The following SLC38A6 variants were observed in gnomAD, a reference collection of about 807,000 sequenced individuals.
SLC38A6 encodes solute carrier family 38 member 6.
A neutral mutation model predicts 65.0 loss-of-function variants in SLC38A6; 73 were observed. The ratio of observed to expected loss-of-function variants is 1.12; its 90% CI spans 0.93 to 1.37. The LOEUF is 1.37. Among genes scored for constraint, SLC38A6 ranks in the 40% most tolerant of loss-of-function variants. The pLI is 0.00. For synonymous variants in SLC38A6, 183 were observed against 178.8 expected (o/e 1.02, Z -0.19); for missense variants, 561 against 531.1 (o/e 1.06, Z -0.55).
intron 3 of SLC38A6, among the ~76,000 whole-genome samples, chr14:61,007,898 A>C (rs1206059892): frequency 6.6e-6 from 1 of 152,164 alleles, no homozygotes; most frequent in Non-Finnish European, 1.5e-5. Flanking sequence ...AAGAATATTA[A>C]AGATTTGTTG....
At chr14:61,019,266 A>G (rs2139573751) in intron 4 of SLC38A6, among the ~76,000 whole-genome samples, 1 of 152,318 alleles carries the variant, frequency 6.6e-6, no homozygotes, top group South Asian at 2.1e-4. Context: ...ATAATCATCG[A>G]TTACTAGCTT....
Position 61,046,151 on chromosome 14 carries a change from G to A in SLC38A6, c.909G>A (p.Gly303=), listed in dbSNP as rs1176166190. The A allele has an allele frequency of 1.3e-6, 2 of 1,598,610 alleles. No homozygotes were observed. Among genetic ancestry groups the A allele is most frequent in the Non-Finnish European group, 1.7e-6 (2 of 1,167,696 alleles). Residue 303 remains glycine (G), a synonymous_variant, in exon 12 of 16, where the codon GGG becomes GGA. Coordinates refer to ENST00000267488, the MANE Select transcript of SLC38A6 (RefSeq NM_153811.3). ...FLIYFISALF[G]YLTFYDKVES... ...TTTATTTTATATCTGCACTCTTTGG[G>A]TACCTCACTTTTTATGGTAAGTACA...
chr14:60,995,080 T>C (rs1490719311), intron 3 of SLC38A6, among the ~76,000 whole-genome samples: 2 of 151,140 alleles, frequency 1.3e-5, no homozygotes, highest in Non-Finnish European at 2.9e-5. Context: ...CTTAAATGTA[T>C]ACTGTCAAGT....
chr14:61,014,155 C>G (rs1012978891), intron 3 of SLC38A6, among the ~76,000 whole-genome samples: 1 of 152,162 alleles, frequency 6.6e-6, no homozygotes, highest in Non-Finnish European at 1.5e-5. Context: ...CACTGATAGC[C>G]TTTCTTCCAG....
chr14:61,037,578 A>G, intron 7 of SLC38A6, 47 bp from the exon 8 acceptor site: 1 of 1,369,320 alleles, frequency 7.3e-7, no homozygotes. Context: ...TGTACGTTAA[A>G]ATCGCTTTCC....
intron 5 of SLC38A6, among the ~76,000 whole-genome samples, chr14:61,023,259 T>C (rs985330892): frequency 2.0e-5 from 3 of 152,162 alleles, no homozygotes; most frequent in Non-Finnish European, 4.4e-5. Flanking sequence ...ATCTCATTTA[T>C]GTAAAATGGG....
chr14:61,014,477 C>T (rs1184751091), intron 3 of SLC38A6, among the ~76,000 whole-genome samples: 1 of 152,130 alleles, frequency 6.6e-6, no homozygotes, highest in African/African-American at 2.4e-5. Flanking sequence ...TTAGAGTTTC[C>T]AGTTTTTCTG....
intron 15 of SLC38A6, among the ~76,000 whole-genome samples, chr14:61,077,128 T>C (rs180760664): frequency 1.4e-4 from 22 of 152,328 alleles, no homozygotes; most frequent in Middle Eastern, 6.8e-3. Flanking sequence ...CTTGCCACTT[T>C]CAATATAAAA....
At chr14:61,064,611 G>A (rs572201678) in intron 15 of SLC38A6, among the ~76,000 whole-genome samples, 2 of 148,684 alleles carry the variant, frequency 1.3e-5, no homozygotes, top group Non-Finnish European at 3.0e-5. Flanking sequence ...TGTGCATTTA[G>A]ATGAGGTTAA....
chr14:61,004,090 A>T (rs777810988), intron 3 of SLC38A6, among the ~76,000 whole-genome samples: 1 of 152,186 alleles, frequency 6.6e-6, no homozygotes, highest in Non-Finnish European at 1.5e-5. Flanking sequence ...TAGTTTGATT[A>T]CATTTTCTCA....
chr14:61,009,708 C>A (rs571949797), intron 3 of SLC38A6, among the ~76,000 whole-genome samples: 44 of 152,228 alleles, frequency 2.9e-4, no homozygotes, highest in Admixed American at 1.0e-3. Flanking sequence ...AAAGGACATG[C>A]ACTCATCATT....
At chr14:61,045,930 GA>G (rs1566702554) in intron 11 of SLC38A6, 136 bp from the exon 12 acceptor site, 1 of 535,226 alleles carries the variant, frequency 1.9e-6, no homozygotes, top group African/African-American at 2.0e-5. Context: ...TACTAATTTC[GA>G]ATGAGGACTT....
At chr14:61,080,210 T>C (rs141942073) in intron 16 of SLC38A6, among the ~76,000 whole-genome samples, 317 of 152,292 alleles carry the variant, frequency 2.1e-3, no homozygotes, top group African/African-American at 7.2e-3. Context: ...TACTTTCTCA[T>C]ACCTATGACT....
At chr14:61,011,040 G>A (rs2039523525) in intron 3 of SLC38A6, among the ~76,000 whole-genome samples, 1 of 152,132 alleles carries the variant, frequency 6.6e-6, no homozygotes. Flanking sequence ...CCATTTGTTT[G>A]TATCTTCTTT....
At chr14:61,002,435 G>A (rs544761368) in intron 3 of SLC38A6, among the ~76,000 whole-genome samples, 8 of 152,270 alleles carry the variant, frequency 5.3e-5, no homozygotes, top group African/African-American at 1.7e-4. Flanking sequence ...TCTGAGAGTT[G>A]AACTGTATTT....
intron 15 of SLC38A6, among the ~76,000 whole-genome samples, chr14:61,077,010 T>C (rs1347129134): frequency 1.3e-5 from 2 of 152,234 alleles, no homozygotes; most frequent in Non-Finnish European, 2.9e-5. Context: ...TAATTCAGTG[T>C]TTCCCAGATT....
At chr14:60,993,113 G>A (rs1343668177) in intron 3 of SLC38A6, among the ~76,000 whole-genome samples, 1 of 152,176 alleles carries the variant, frequency 6.6e-6, no homozygotes, top group African/African-American at 2.4e-5. Context: ...CTCCCAAACG[G>A]TTGGGATTAC....
chr14:61,051,170 G>T (rs1162312782), intron 13 of SLC38A6, among the ~76,000 whole-genome samples: 13 of 152,144 alleles, frequency 8.5e-5, no homozygotes, highest in Admixed American at 8.5e-4. Flanking sequence ...GGGAACAAAG[G>T]CTTTGGGTAT....
chr14:61,020,466 A>G (rs1164929020), intron 5 of SLC38A6, among the ~76,000 whole-genome samples: 2 of 152,146 alleles, frequency 1.3e-5, no homozygotes, highest in African/African-American at 4.8e-5. Context: ...GGTCTGAGCT[A>G]TATCACTTTA....
Sources: allele counts gnomAD v4.1 joint callset (sites outside exome capture counted in the v4.1 genomes callset), GRCh38; gene constraint gnomAD v4.1.1; transcripts MANE v1.5; gene names NCBI Gene and HGNC (gene_info 2026-07-23, HGNC 2026-07-21).